Variants in HCN1 observed in about 807,000 individuals in gnomAD.
HCN1 encodes potassium/sodium hyperpolarization-activated cyclic nucleotide-gated channel 1.
HCN1 carries 13 observed loss-of-function variants against 78.9 expected under a neutral mutation model. That is an observed-to-expected ratio of 0.16 (90% CI 0.11 to 0.26). The LOEUF (loss-of-function observed/expected upper bound fraction) is 0.26. Among genes scored for constraint, HCN1 ranks in the 10% least tolerant of loss-of-function variants. The pLI is 1.00. For synonymous variants in HCN1, 552 were observed against 455.5 expected, an observed-to-expected ratio of 1.21 and a Z score of -2.70; for missense variants, 810 against 1,154.3, an observed-to-expected ratio of 0.70 and a Z score of 4.32.
intron 2 of HCN1, among the ~76,000 whole-genome samples, chr5:45,565,452 C>A (rs961612846): frequency 5.3e-5 from 8 of 152,116 alleles, no homozygotes; most frequent in African/African-American, 1.9e-4. Context: ...ATGGAAAAGG[C>A]TGTGCCCTTG....
intron 2 of HCN1, among the ~76,000 whole-genome samples, chr5:45,571,925 A>T (rs1225631961): frequency 6.6e-6 from 1 of 152,172 alleles, no homozygotes; most frequent in Admixed American, 6.5e-5. Context: ...AAAAATAATA[A>T]TAAAAAATAT....
rs376072704 is a variant in HCN1, at chr5:45,695,862, C to T, written c.232G>A (p.Ala78Thr). The T allele has an allele frequency of 1.9e-6, 3 of 1,585,274 alleles. No homozygotes were observed. In the African/African-American group the frequency reaches 4.1e-5, roughly 22 times the overall value. The stretch of plus-strand genomic sequence containing the variant: ...CCCTCGGCGTCTTCGAAGCCCCCCG[C>T]CGGCTCCTCGCCGCCGCCGCCGCCG... ...GGGGGGGEEP[A>T]GGFEDAEGPR... The change falls in exon 1 of 8, where the codon GCG becomes ACG. Residue 78 changes from alanine (A) to threonine (T), a missense_variant. Physicochemically the swap from Ala to Thr is moderately conservative, Grantham distance 58 (BLOSUM62 0). Around this residue, in one of 6 missense-constraint regions of HCN1, gnomAD observed 170 missense variants for 166.8 expected, o/e 1.02. Transcript: ENST00000303230.
At chr5:45,509,718 C>G (rs1006633156) in intron 2 of HCN1, among the ~76,000 whole-genome samples, 8 of 152,090 alleles carry the variant, frequency 5.3e-5, no homozygotes, top group African/African-American at 1.4e-4. Flanking sequence ...CAGTATGTGG[C>G]TGTTATGAAT....
At chr5:45,681,504 G>A (rs1352694791) in intron 1 of HCN1, among the ~76,000 whole-genome samples, 1 of 151,776 alleles carries the variant, frequency 6.6e-6, no homozygotes, top group Admixed American at 6.6e-5. Context: ...TGCTCACTCA[G>A]GACGTTTTTC....
intron 2 of HCN1, among the ~76,000 whole-genome samples, chr5:45,513,446 T>C (rs1173306244): frequency 1.3e-5 from 2 of 152,074 alleles, no homozygotes; most frequent in African/African-American, 4.8e-5. Flanking sequence ...TTAAGGAAAC[T>C]CCATTCAAAG....
rs1183118557 is a variant in HCN1, at chr5:45,258,202, T to C, written c.*3719A>G. On this transcript the variant is annotated 3_prime_UTR_variant, in exon 8 of 8. Transcript: ENST00000303230. ...GGAGGTATGGAGATTTTTTAAATAG[T>C]CCTGAAAGATAATAGAGATTGCTCA... is the stretch of plus-strand genomic sequence containing the variant. 1 of 152,108 alleles carries C rather than the reference T, an allele frequency of 6.6e-6. No homozygotes were observed. The highest frequency in any genetic ancestry group is 2.4e-5 in the African/African-American group (1 of 41,418). 9.4% of individuals were successfully genotyped at this position (152,108 alleles called of 1,614,324 possible). A position where few individuals can be genotyped will look rare whatever the true frequency, so the allele number is the denominator to read the frequency against.
chr5:45,393,899 C>T (rs1358377084), intron 4 of HCN1, among the ~76,000 whole-genome samples: 2 of 152,098 alleles, frequency 1.3e-5, no homozygotes. Context: ...ATCTGAGGAT[C>T]ATAACTCCTG....
intron 5 of HCN1, among the ~76,000 whole-genome samples, chr5:45,305,613 G>A (rs115595732): frequency 1.4e-3 from 219 of 151,750 alleles, no homozygotes; most frequent in African/African-American, 4.0e-3. Flanking sequence ...TGTTCAGCAA[G>A]TAGTAAGTAC....
chr5:45,651,834 G>A (rs1022682929), intron 1 of HCN1, among the ~76,000 whole-genome samples: 6 of 151,986 alleles, frequency 3.9e-5, no homozygotes, highest in African/African-American at 1.4e-4. Flanking sequence ...CATGGAGGGT[G>A]GGAAGGAAAT....
At chr5:45,299,269 A>G (rs1579789964) in intron 6 of HCN1, among the ~76,000 whole-genome samples, 1 of 152,148 alleles carries the variant, frequency 6.6e-6, no homozygotes, top group South Asian at 2.1e-4. Flanking sequence ...TGACCAACAT[A>G]CCATAGCAAT....
intron 2 of HCN1, among the ~76,000 whole-genome samples, chr5:45,623,741 G>A (rs752709959): frequency 5.9e-5 from 9 of 152,140 alleles, no homozygotes; most frequent in Non-Finnish European, 1.2e-4. Context: ...AAAATCTCAT[G>A]TTCCTAGAGC....
chr5:45,389,655 T>C (rs556641317), intron 4 of HCN1, among the ~76,000 whole-genome samples: 3 of 152,158 alleles, frequency 2.0e-5, no homozygotes, highest in African/African-American at 7.2e-5. Context: ...CGACAACTTA[T>C]AACTGAAGAC....
intron 1 of HCN1, among the ~76,000 whole-genome samples, chr5:45,653,353 T>A (rs1465553569): frequency 6.6e-6 from 1 of 152,130 alleles, no homozygotes; most frequent in Non-Finnish European, 1.5e-5. Context: ...TTTCAGCATC[T>A]GAGCACATCT....
chr5:45,307,895 T>C (rs1021511559), intron 5 of HCN1, among the ~76,000 whole-genome samples: 1 of 152,112 alleles, frequency 6.6e-6, no homozygotes, highest in African/African-American at 2.4e-5. Flanking sequence ...AAATTGGATG[T>C]GATGTACATG....
rs529037591 is a variant in HCN1, at chr5:45,486,416, C to T, written c.850-24409G>A. Among the ~76,000 whole-genome samples, 10 of 152,050 alleles carry T rather than the reference C, an allele frequency of 6.6e-5. No individual in the cohort carries two copies. In the East Asian group the frequency reaches 1.9e-3, roughly 29 times the overall value. ...CTATTACAAAAACCTTGTTTTTTAC[C>T]CAACATGACATGGATAAAGAACTAC... On this transcript the variant is annotated intron_variant, in intron 2 of 7. Transcript: ENST00000303230.
At chr5:45,471,033 TTAATA>T (rs1741380161) in intron 2 of HCN1, among the ~76,000 whole-genome samples, 1 of 151,950 alleles carries the variant, frequency 6.6e-6, no homozygotes, top group Non-Finnish European at 1.5e-5. Flanking sequence ...TCTTACCTGT[TTAATA>T]ACACCTTGTC....
intron 1 of HCN1, among the ~76,000 whole-genome samples, chr5:45,657,086 G>A (rs1385176579): frequency 1.3e-5 from 2 of 152,132 alleles, no homozygotes; most frequent in African/African-American, 2.4e-5. Context: ...TTCCAGGTCT[G>A]TAACAAATAT....
At chr5:45,588,755 C>T (rs1017483013) in intron 2 of HCN1, among the ~76,000 whole-genome samples, 2 of 152,144 alleles carry the variant, frequency 1.3e-5, no homozygotes. Flanking sequence ...GAAACCTCTG[C>T]TTTTCTCTAT....
chr5:45,424,975 C>T (rs1417953752), intron 3 of HCN1, among the ~76,000 whole-genome samples: 1 of 152,104 alleles, frequency 6.6e-6, no homozygotes, highest in African/African-American at 2.4e-5. Context: ...TCTTATCAAT[C>T]TCATTAACGG....
Sources: allele counts gnomAD v4.1 joint callset (sites outside exome capture counted in the v4.1 genomes callset), GRCh38; gene constraint gnomAD v4.1.1; regional missense constraint gnomAD v4.1.1; transcripts MANE v1.5; gene names NCBI Gene and HGNC (gene_info 2026-07-23, HGNC 2026-07-21).